Variants in MAML3 observed in about 807,000 individuals in gnomAD.
MAML3 encodes the protein mastermind-like protein 3.
Under a neutral mutation model 101.9 loss-of-function variants are expected in MAML3, and 27 were observed. That is an observed-to-expected ratio of 0.27 (90% confidence interval 0.20 to 0.37). The LOEUF (loss-of-function observed/expected upper bound fraction) is 0.37. MAML3 is among the 10% of genes least tolerant of loss of function. The pLI, the probability that MAML3 is intolerant of heterozygous loss-of-function variation, is 1.00. For missense variants in MAML3, 1,316 were observed against 1,444.9 expected (o/e 0.91, Z 1.45); for synonymous variants, 501 against 555.9 (o/e 0.90, Z 1.39).
At chr4:140,078,624 C>T (rs1727814325) in intron 1 of MAML3, among the ~76,000 whole-genome samples, 1 of 152,168 alleles carries the variant, frequency 6.6e-6, no homozygotes, top group South Asian at 2.1e-4. Context: ...TTCAGAACAA[C>T]AGTAAAATGA....
chr4:140,096,477 G>A (rs925087222), intron 1 of MAML3, among the ~76,000 whole-genome samples: 6 of 152,064 alleles, frequency 3.9e-5, no homozygotes, highest in Admixed American at 6.5e-5. Context: ...AAGTTAAAGA[G>A]GTAACTTGTG....
intron 1 of MAML3, among the ~76,000 whole-genome samples, chr4:139,901,869 C>G (rs959620510): frequency 6.6e-6 from 1 of 152,140 alleles, no homozygotes; most frequent in Non-Finnish European, 1.5e-5. Context: ...CTTAAAATGT[C>G]CTTTCTTTTC....
intron 1 of MAML3, among the ~76,000 whole-genome samples, chr4:139,976,562 A>G (rs546415808): frequency 1.3e-5 from 2 of 152,196 alleles, no homozygotes; most frequent in South Asian, 4.2e-4. Flanking sequence ...TACCTTCAGG[A>G]AAAAAAAGGT....
At chr4:140,111,036 T>TA (rs1364353069) in intron 1 of MAML3, among the ~76,000 whole-genome samples, 1 of 152,236 alleles carries the variant, frequency 6.6e-6, no homozygotes, top group Non-Finnish European at 1.5e-5. Context: ...TATTTATGGC[T>TA]AAATCCTAAA....
intron 2 of MAML3, among the ~76,000 whole-genome samples, chr4:139,789,874 G>T (rs1330841780): frequency 2.0e-5 from 3 of 151,938 alleles, no homozygotes; most frequent in Non-Finnish European, 1.5e-5. Flanking sequence ...TGGACATGGG[G>T]GTCGAAGGTG....
At chr4:139,811,286 C>T (rs1447923253) in intron 2 of MAML3, among the ~76,000 whole-genome samples, 1 of 152,214 alleles carries the variant, frequency 6.6e-6, no homozygotes, top group East Asian at 1.9e-4. Flanking sequence ...CTAAGGGCCT[C>T]CATCATCCTG....
chr4:140,087,168 A>G (rs1727967173), intron 1 of MAML3, among the ~76,000 whole-genome samples: 2 of 152,186 alleles, frequency 1.3e-5, no homozygotes, highest in African/African-American at 4.8e-5. Flanking sequence ...AAAAAAGAAA[A>G]TACAAAACAT....
intron 1 of MAML3, among the ~76,000 whole-genome samples, chr4:139,956,671 A>T (rs2110767431): frequency 6.6e-6 from 1 of 152,346 alleles, no homozygotes; most frequent in East Asian, 1.9e-4. Flanking sequence ...GCACAAAGCG[A>T]TGGGGAGCGA....
chr4:139,965,982 A>C (rs141675140), intron 1 of MAML3, among the ~76,000 whole-genome samples: 6 of 152,318 alleles, frequency 3.9e-5, no homozygotes, highest in African/African-American at 9.6e-5. Context: ...CAAGTAATAT[A>C]ATTAACTTGA....
chr4:139,874,674 C>T (rs577734265), intron 2 of MAML3, among the ~76,000 whole-genome samples: 32 of 152,116 alleles, frequency 2.1e-4, no homozygotes, highest in Admixed American at 7.9e-4. Flanking sequence ...ACAAATCACA[C>T]GATATGATTA....
At chr4:140,129,758 A>G (rs1264046639) in intron 1 of MAML3, among the ~76,000 whole-genome samples, 1 of 152,148 alleles carries the variant, frequency 6.6e-6, no homozygotes, top group Non-Finnish European at 1.5e-5. Context: ...CGAGGTCAAG[A>G]AATCGAGACC....
At chr4:139,799,016 A>G (rs926857304) in intron 2 of MAML3, among the ~76,000 whole-genome samples, 2 of 152,224 alleles carry the variant, frequency 1.3e-5, no homozygotes, top group African/African-American at 2.4e-5. Context: ...TGATTAGCGT[A>G]GGCAGTTAAA....
In MAML3 at chr4:140,046,146, G is replaced by T. The variant is rs574608190; in HGVS notation, c.468+106714C>A. ...GTACTTCCTGGCTCTTGTGTGGTTA[G>T]ATGAGGTCATGTTACTAGTTCTGAC... On this transcript the variant is annotated intron_variant, in intron 1 of 4. Coordinates refer to ENST00000509479, the MANE Select transcript of MAML3 (RefSeq NM_018717.5). 3.9e-5 allele frequency among the ~76,000 whole-genome samples: 6 copies of T among 152,340 alleles called. No homozygotes were observed. The East Asian group carries it at 1.2e-3, about 29-fold the overall frequency.
At chr4:139,815,083 T>G (rs531521572) in intron 2 of MAML3, among the ~76,000 whole-genome samples, 1 of 152,272 alleles carries the variant, frequency 6.6e-6, no homozygotes, top group Admixed American at 6.5e-5. Context: ...AACCTAATTT[T>G]GATGAGAAAC....
chr4:140,137,067 C>G (rs1728901034), intron 1 of MAML3, among the ~76,000 whole-genome samples: 1 of 152,274 alleles, frequency 6.6e-6, no homozygotes, highest in Non-Finnish European at 1.5e-5. Context: ...CGGCTCACTG[C>G]AGGCTCCGCC....
intron 2 of MAML3, among the ~76,000 whole-genome samples, chr4:139,740,996 G>C (rs547640587): frequency 6.6e-6 from 1 of 152,166 alleles, no homozygotes; most frequent in African/African-American, 2.4e-5. Flanking sequence ...CCGGTTTCCC[G>C]ACTGCTGAAC....
intron 1 of MAML3, among the ~76,000 whole-genome samples, chr4:139,946,521 T>C (rs1032412961): frequency 3.9e-5 from 6 of 152,130 alleles, no homozygotes; most frequent in Non-Finnish European, 8.8e-5. Context: ...TAAATAACTA[T>C]ACCAAACGTA....
intron 1 of MAML3, among the ~76,000 whole-genome samples, chr4:139,989,496 A>G (rs1487059836): frequency 1.3e-5 from 2 of 152,124 alleles, no homozygotes; most frequent in African/African-American, 4.8e-5. Context: ...TGAACTTGCC[A>G]CTGAATGTGT....
At chr4:139,726,866 A>G (rs927740646) in intron 3 of MAML3, among the ~76,000 whole-genome samples, 5 of 152,186 alleles carry the variant, frequency 3.3e-5, no homozygotes, top group African/African-American at 1.2e-4. Context: ...AAGGGAAAGA[A>G]AATAAGAGTG....
Sources: gnomAD v4.1 joint callset for allele counts (sites outside exome capture counted in the v4.1 genomes callset) on GRCh38, gnomAD v4.1.1 for gene constraint, MANE v1.5 for transcripts, NCBI Gene and HGNC (gene_info 2026-07-23, HGNC 2026-07-21) for gene names.